The following PFKL variants were observed in gnomAD, a reference collection of about 807,000 sequenced individuals.
PFKL encodes the protein ATP-dependent 6-phosphofructokinase, liver type.
PFKL carries 74 observed loss-of-function variants against 92.1 expected under a neutral mutation model. That is an observed-to-expected ratio of 0.80 (90% CI 0.67 to 0.97). The LOEUF (loss-of-function observed/expected upper bound fraction) is 0.97, where lower values mean the gene tolerates loss of function less well. Ranked by LOEUF, PFKL falls within the 50% of genes least tolerant of loss-of-function variation. The pLI is 0.00. For synonymous variants in PFKL, 494 were observed against 456.4 expected (o/e 1.08, Z -1.05); for missense variants, 1,028 against 1,116.6 (o/e 0.92, Z 1.13).
At chr21:44,304,460 G>T (rs1004238284) in intron 1 of PFKL, 3 of 1,202,636 alleles carry the variant, frequency 2.5e-6, no homozygotes, top group Non-Finnish European at 3.2e-6. Flanking sequence ...CCAGAGGTGG[G>T]CTTGGACCTG....
chr21:44,313,932 G>T lies in PFKL; in HGVS notation c.658G>T (p.Ala220Ser). 1 of 1,601,146 alleles carries T rather than the reference G, an allele frequency of 6.2e-7. No individual in the cohort carries two copies. Reference sequence around the variant, plus strand: ...CTCCAGGTACCTGGCGCTGGTATCTGCACTGGCCTCAGGGGCCGACTGGCT... The same window carrying T: ...CTCCAGGTACCTGGCGCTGGTATCTTCACTGGCCTCAGGGGCCGACTGGCT... ...RHCGYLALVS[A>S]LASGADWLFI... is the part of the protein sequence containing the mutation. Residue 220 changes from alanine (A) to serine (S), a missense_variant, in exon 7 of 22, where the codon GCA (alanine) becomes TCA (serine). Ala to Ser is a moderately conservative substitution (Grantham distance 99, BLOSUM62 1). Transcript: ENST00000349048.
At chr21:44,316,650 G>C (rs564047220) in intron 9 of PFKL, 126 bp downstream of exon 9, 1 of 692,514 alleles carries the variant, frequency 1.4e-6, no homozygotes, top group Admixed American at 2.6e-5. Context: ...GTGAGTGTCC[G>C]TGTCTGTGTG....
In PFKL at chr21:44,327,176, C is replaced by T. The variant is rs540036282; in HGVS notation, c.*314C>T. ...GCTTTGGCGCCCCATGGGCCCTCAG[C>T]GTCTCCCCATGCTGGGCTCACTACA... On this transcript the variant is annotated 3_prime_UTR_variant, in exon 22 of 22. Coordinates refer to ENST00000349048, the MANE Select transcript of PFKL (RefSeq NM_002626.6). 219 of 430,342 alleles carry T rather than the reference C, an allele frequency of 5.1e-4. 3 individuals carry two copies. The South Asian group carries it at 5.3e-3, about 10-fold the overall frequency. The allele number at this position is 430,342 out of a possible 1,614,324, so 26.7% of individuals were successfully genotyped here. A position where few individuals can be genotyped will look rare whatever the true frequency, so the allele number is the denominator to read the frequency against.
intron 9 of PFKL, 113 bp downstream of exon 9, chr21:44,316,637 TGGGTGA>T: frequency 1.3e-6 from 1 of 768,526 alleles, no homozygotes; most frequent in Non-Finnish European, 2.1e-6. Flanking sequence ...CATGTGGCTG[TGGGTGA>T]GTGTCCGTGT....
rs2047505143 is a variant in PFKL at position 44,326,216 on chromosome 21, C to CG, written c.2149dup (p.Val717GlyfsTer8). Reference sequence around the variant, plus strand: ...TGCGTGATCGGCCTGAAGAAGAAGGCGGTGGCCTTCAGCCCCGTCACTGAG... The same window carrying CG: ...TGCGTGATCGGCCTGAAGAAGAAGGCGGGTGGCCTTCAGCCCCGTCACTGAG... On this transcript the variant is annotated frameshift_variant, in exon 21 of 22. Coordinates refer to ENST00000349048, the MANE Select transcript of PFKL (RefSeq NM_002626.6). LOFTEE classifies it low-confidence loss of function (END_TRUNC). 2 of 1,612,934 alleles carry CG rather than the reference C, an allele frequency of 1.2e-6. No individual in the cohort carries two copies. Among genetic ancestry groups the CG allele is most frequent in the East Asian group, 4.5e-5 (2 of 44,854 alleles).
In PFKL at chr21:44,321,733, A is replaced by T. The variant is rs750365345; in HGVS notation, c.1196A>T (p.Asn399Ile). 6.4e-6 allele frequency: 10 copies of T among 1,565,840 alleles called. No homozygotes were observed. The South Asian group carries it at 8.3e-5, about 13-fold the overall frequency. The change falls in exon 13 of 22, where the codon AAC (asparagine) becomes ATC (isoleucine). Residue 399 changes from asparagine (N) to isoleucine (I), a missense_variant. Transcript: ENST00000349048. ...CATCTCCCCTTCTCTCTGAAGTCTAACTTCTCCCTGGCCATCCTGAATGTG... is the reference window on the plus strand; with the variant it reads ...CATCTCCCCTTCTCTCTGAAGTCTATCTTCTCCCTGGCCATCCTGAATGTG... ...AHQKPPKEKS[N>I]FSLAILNVGA...
In PFKL at chr21:44,324,711, C is replaced by G; in HGVS notation, c.1815+56C>G. ...ACCTGCCGGCATGCCAGCCTGGGCCCCAGACACTCAGGCCGGCCAGCGCAG... is the reference window on the plus strand; with the variant it reads ...ACCTGCCGGCATGCCAGCCTGGGCCGCAGACACTCAGGCCGGCCAGCGCAG... On this transcript the variant is annotated intron_variant, in intron 17 of 21. Transcript: ENST00000349048. 3.2e-6 allele frequency: 5 copies of G among 1,561,264 alleles called. No homozygotes were observed. The South Asian group carries it at 4.8e-5, about 15-fold the overall frequency.
In PFKL at chr21:44,319,339, C is replaced by T. The variant is rs563191933; in HGVS notation, c.1063-12C>T. 1.4e-5 allele frequency: 22 copies of T among 1,612,252 alleles called. No homozygotes were observed. Among genetic ancestry groups the T allele is most frequent in the Non-Finnish European group, 1.7e-5 (20 of 1,178,656 alleles). The stretch of plus-strand genomic sequence containing the variant: ...GCTCTCCATAGTCTGTGTTCTGTTT[C>T]TCTTCCTTAAGACCAAGGAAGTGCA... On this transcript the variant is annotated splice_polypyrimidine_tract_variant and intron_variant, in intron 10 of 21. Coordinates refer to ENST00000349048, the MANE Select transcript of PFKL (RefSeq NM_002626.6).
In PFKL at chr21:44,322,016, C is replaced by T. The variant is rs1602048891; in HGVS notation, c.1339-117C>T. The T allele has an allele frequency of 2.2e-5, 32 of 1,443,976 alleles. No individual in the cohort carries two copies. The East Asian group carries it at 7.6e-4, about 34-fold the overall frequency. The allele number at this position is 1,443,976 out of a possible 1,614,324, so 89.4% of individuals were successfully genotyped here. ...CGGTGCCCACCCGGGCCTGGGTACT[C>T]AGCTCTGCCTGCAGCGTGATGCCCA... On this transcript the variant is annotated intron_variant, in intron 13 of 21. Coordinates refer to ENST00000349048, the MANE Select transcript of PFKL (RefSeq NM_002626.6).
intron 9 of PFKL, among the ~76,000 whole-genome samples, chr21:44,317,593 T>A (rs557021427): frequency 6.6e-6 from 1 of 152,300 alleles, no homozygotes; most frequent in South Asian, 2.1e-4. Context: ...GGATGCCTGA[T>A]GCCGGGTGTG....
chr21:44,316,665 G>A (rs764202437), intron 9 of PFKL, 141 bp downstream of exon 9: 1 of 657,170 alleles, frequency 1.5e-6, no homozygotes, highest in Non-Finnish European at 2.6e-6. Context: ...TGTGTGTGGG[G>A]GTGTATGTGT....
chr21:44,307,003 G>T (rs969679693), intron 2 of PFKL, among the ~76,000 whole-genome samples: 1 of 152,200 alleles, frequency 6.6e-6, no homozygotes, highest in Admixed American at 6.5e-5. Flanking sequence ...GGGCCTGGGG[G>T]CAGGGAAGGA....
intron 19 of PFKL, 116 bp from the exon 20 acceptor site, chr21:44,325,845 A>G: frequency 1.5e-6 from 1 of 677,782 alleles, no homozygotes; most frequent in African/African-American, 1.8e-5. Flanking sequence ...GTTGGAAGGA[A>G]TGGGTGTTCA....
At chr21:44,314,169 A>C in intron 7 of PFKL, 148 bp downstream of exon 7, 2 of 641,406 alleles carry the variant, frequency 3.1e-6, no homozygotes, top group Middle Eastern at 2.6e-4. Flanking sequence ...GGGACACGCA[A>C]GGAGTGGGGG....
rs765811769 is a variant in PFKL at position 44,318,634 on chromosome 21, C to G, written c.1062+39C>G. 4.9e-6 allele frequency: 7 copies of G among 1,430,008 alleles called. No individual in the cohort carries two copies. In the East Asian group the frequency reaches 1.9e-4, roughly 38 times the overall value. The allele number at this position is 1,430,008 out of a possible 1,614,324, so 88.6% of individuals were successfully genotyped here. On this transcript the variant is annotated intron_variant, in intron 10 of 21. Coordinates refer to ENST00000349048, the MANE Select transcript of PFKL (RefSeq NM_002626.6). Reference sequence around the variant, plus strand: ...CCCCCCCATCAGAACCGCCTGGCCCCTCTCCCCAGTCCCCACTCACAGGCC... The same window carrying G: ...CCCCCCCATCAGAACCGCCTGGCCCGTCTCCCCAGTCCCCACTCACAGGCC...
chr21:44,315,909 G>A (rs1002240484), intron 7 of PFKL: 13 of 363,670 alleles, frequency 3.6e-5, no homozygotes, highest in East Asian at 6.5e-5. Context: ...GCGTCTTCCC[G>A]CCTGGAAGGC....
At chr21:44,301,013 TTGGGAAG>T (rs2040759832) in intron 1 of PFKL, among the ~76,000 whole-genome samples, 1 of 152,092 alleles carries the variant, frequency 6.6e-6, no homozygotes, top group African/African-American at 2.4e-5. Context: ...AGGTGCTGGG[TTGGGAAG>T]GGGCCCAGCC....
chr21:44,321,891 G>A lies in PFKL; in HGVS notation c.1338+16G>A, dbSNP rs765402987. 4.0e-6 allele frequency: 6 copies of A among 1,518,854 alleles called. No homozygotes were observed. The Admixed American group carries it at 6.5e-5, about 16-fold the overall frequency. 94.1% of individuals were successfully genotyped at this position (1,518,854 alleles called of 1,614,324 possible). A position where few individuals can be genotyped will look rare whatever the true frequency, so the allele number is the denominator to read the frequency against. ...CAAGGGTCAGGTGGGTCCGGCCGGG[G>A]CAAACAAGTGAGGACTTGGGCCTTC... On this transcript the variant is annotated intron_variant, in intron 13 of 21. Coordinates refer to ENST00000349048, the MANE Select transcript of PFKL (RefSeq NM_002626.6).
At chr21:44,311,179 C>T (rs564685789) in intron 3 of PFKL, 96 bp downstream of exon 3, 1 of 898,076 alleles carries the variant, frequency 1.1e-6, no homozygotes, top group Admixed American at 2.3e-5. Context: ...CAGAGACAGA[C>T]ACGTGCACAA....
Sources: gnomAD v4.1 joint callset for allele counts (sites outside exome capture counted in the v4.1 genomes callset) on GRCh38, gnomAD v4.1.1 for gene constraint, MANE v1.5 for transcripts, NCBI Gene and HGNC (gene_info 2026-07-23, HGNC 2026-07-21) for gene names.